ZNF711: variants seen among roughly 807,000 people sequenced by gnomAD.
The protein encoded by ZNF711 is zinc finger protein 711.
In ZNF711, 3 loss-of-function variants were observed where a neutral mutation model predicts 43.5. The ratio of observed to expected loss-of-function variants is 0.07; its 90% CI spans 0.03 to 0.18. The LOEUF (loss-of-function observed/expected upper bound fraction) is 0.18. Ranked by LOEUF, ZNF711 falls within the 10% of genes least tolerant of loss-of-function variation. The probability of loss-of-function intolerance (pLI) is 1.00; values close to 1 mark genes in which losing one functional copy is unlikely to be tolerated. For synonymous variants in ZNF711, 209 were observed against 207.7 expected (o/e 1.01, Z -0.06); for missense variants, 412 against 604.0 (o/e 0.68, Z 3.33).
At chrX:85,248,390 G>A (rs1465389943) in intron 4 of ZNF711, among the ~76,000 whole-genome samples, 1 of 100,338 alleles carries the variant, frequency 1.0e-5, no homozygotes, top group Non-Finnish European at 2.0e-5. Flanking sequence ...AATTGCTTGA[G>A]CCCATGAGGC....
rs765241017 is a variant in ZNF711 at position 85,271,253 on chromosome X, T to G, written c.1849T>G (p.Phe617Val). Residue 617 changes from phenylalanine to valine, a missense_variant, in exon 11 of 11, where the codon TTT (phenylalanine) becomes GTT (valine). By Grantham distance (50) the Phe-to-Val change is conservative. This residue lies in a region of ZNF711 where 375 missense variants were observed against 514.2 expected (regional missense o/e 0.73). Transcript: ENST00000674551. ...TAAATGTGAGCATTGTCCCCAAGCA[T>G]TTGGTGATGAGAGGGAGCTTCAACG... The part of the protein sequence containing the change: ...PYKCEHCPQA[F>V]GDERELQRHL... 5.8e-6 allele frequency: 7 copies of G among 1,210,070 alleles called. No homozygotes were observed. Among genetic ancestry groups the G allele is most frequent in the Non-Finnish European group, 1.1e-6 (1 of 894,684 alleles).
intron 5 of ZNF711, among the ~76,000 whole-genome samples, chrX:85,261,431 G>C (rs944403577): frequency 2.7e-5 from 3 of 110,685 alleles, no homozygotes; most frequent in African/African-American, 9.8e-5. Flanking sequence ...ATCTAAAGGT[G>C]ACTATCTTGT....
chrX:85,270,280 G>GTTTT, intron 10 of ZNF711, 134 bp downstream of exon 10: 4 of 493,497 alleles, frequency 8.1e-6, no homozygotes, highest in Non-Finnish European at 1.3e-5. Flanking sequence ...ATAGATAATT[G>GTTTT]TTTTTTTTTT....
chrX:85,255,979 C>T (rs1055155429), intron 5 of ZNF711, among the ~76,000 whole-genome samples, 178 bp downstream of exon 5: 6 of 111,302 alleles, frequency 5.4e-5, no homozygotes, highest in Admixed American at 9.6e-5. Flanking sequence ...TTAATTTATT[C>T]AATGAAAATT....
At position 85,244,160 on chromosome X, in the gene ZNF711, A is replaced by G. The variant is rs1397909680; in HGVS notation, c.-437A>G. 3.8e-4 allele frequency: 57 copies of G among 148,104 alleles called. 1 individual carries two copies. The highest frequency in any genetic ancestry group is 1.1e-3 in the South Asian group (5 of 4,381). 12.2% of individuals were successfully genotyped at this position (148,104 alleles called of 1,213,427 possible). A position where few individuals can be genotyped will look rare whatever the true frequency, so the allele number is the denominator to read the frequency against. Reference sequence around the variant, plus strand: ...CGGCGGCGGCGGCAGCGGCGGCGGCAGCGGCGGCGGCAGCTGTAGCTGCAG... The same window carrying G: ...CGGCGGCGGCGGCAGCGGCGGCGGCGGCGGCGGCGGCAGCTGTAGCTGCAG... On this transcript the variant is annotated 5_prime_UTR_variant, in exon 1 of 11. Coordinates refer to ENST00000674551, the MANE Select transcript of ZNF711 (RefSeq NM_001330574.2).
chrX:85,270,283 T>G, intron 10 of ZNF711, 137 bp downstream of exon 10: 9 of 505,728 alleles, frequency 1.8e-5, no homozygotes, highest in Non-Finnish European at 2.3e-5. Flanking sequence ...GATAATTGTT[T>G]TTTTTTTTTT....
chrX:85,249,658 G>T (rs1929374958), intron 4 of ZNF711, among the ~76,000 whole-genome samples: 1 of 111,478 alleles, frequency 9.0e-6, no homozygotes, highest in African/African-American at 3.3e-5. Flanking sequence ...TATGCATATT[G>T]AAATATTTAA....
chrX:85,257,598 G>A, intron 5 of ZNF711, among the ~76,000 whole-genome samples: 1 of 112,279 alleles, frequency 8.9e-6, no homozygotes, highest in Non-Finnish European at 1.9e-5. Flanking sequence ...TTGATTCCCT[G>A]TCTTTGCTAT....
intron 4 of ZNF711, among the ~76,000 whole-genome samples, chrX:85,251,309 A>G (rs1395972402): frequency 8.9e-6 from 1 of 112,245 alleles, no homozygotes; most frequent in East Asian, 2.8e-4. Context: ...TTAGAAATTT[A>G]CAACTTTGTT....
In ZNF711 at chrX:85,246,915, T is replaced by G. The variant is rs1226217779; in HGVS notation, c.-285-15T>G. ...AATGTTTGTATGTGATCGATCTTAT[T>G]TTTACCATATTTAGGAAGCAGTCAT... is the stretch of plus-strand genomic sequence containing the variant. On this transcript the variant is annotated splice_polypyrimidine_tract_variant and intron_variant, in intron 2 of 10. Coordinates refer to ENST00000674551, the MANE Select transcript of ZNF711 (RefSeq NM_001330574.2). 1.0e-5 allele frequency: 3 copies of G among 296,005 alleles called. No individual in the cohort carries two copies. Among genetic ancestry groups the G allele is most frequent in the Admixed American group, 6.2e-5 (1 of 16,255 alleles). The allele number at this position is 296,005 out of a possible 1,213,427, so 24.4% of individuals were successfully genotyped here.
At chrX:85,257,427 G>T (rs1602975517) in intron 5 of ZNF711, among the ~76,000 whole-genome samples, 1 of 111,451 alleles carries the variant, frequency 9.0e-6, no homozygotes, top group Non-Finnish European at 1.9e-5. Context: ...GCAGTATTTG[G>T]TTTTCTGTTC....
At position 85,264,300 on chromosome X, in the gene ZNF711, G is replaced by C; in HGVS notation, c.648G>C (p.Glu216Asp). 1 of 1,203,154 alleles carries C rather than the reference G, an allele frequency of 8.3e-7. No individual in the cohort carries two copies. The highest frequency in any genetic ancestry group is 1.1e-6 in the Non-Finnish European group (1 of 888,731). ...ISLDDVGEKL[E>D]HMGNTPLKIG... ...TGGATGATGTTGGAGAAAAATTAGA[G>C]CATATGGGGAATACACCATTAAAAA... Residue 216 changes from glutamate (E) to aspartate (D), a missense_variant, in exon 6 of 11, where the codon GAG (glutamate) becomes GAC (aspartate). By Grantham distance (45) the Glu-to-Asp change is conservative (BLOSUM62 2). Around this residue, in one of 4 missense-constraint regions of ZNF711, gnomAD observed 375 missense variants for 514.2 expected, o/e 0.73. Transcript: ENST00000674551.
At chrX:85,244,285 T>C in intron 1 of ZNF711, 94 bp downstream of exon 1, 1 of 119,092 alleles carries the variant, frequency 8.4e-6, no homozygotes, top group Non-Finnish European at 1.8e-5. Context: ...ACCCAGCGTG[T>C]AGCGTAGGGC....
intron 5 of ZNF711, among the ~76,000 whole-genome samples, chrX:85,257,186 G>C (rs1333205102): frequency 9.9e-5 from 11 of 111,425 alleles, no homozygotes; most frequent in Non-Finnish European, 2.1e-4. Context: ...ACTCCTTTGA[G>C]GAATATAATT....
intron 5 of ZNF711, among the ~76,000 whole-genome samples, chrX:85,260,248 T>G (rs1386749793): frequency 9.0e-6 from 1 of 110,971 alleles, no homozygotes; most frequent in Non-Finnish European, 1.9e-5. Flanking sequence ...GAAACCTAGT[T>G]GATCATGGTG....
At chrX:85,249,994 A>C (rs1225227414) in intron 4 of ZNF711, among the ~76,000 whole-genome samples, 1 of 112,169 alleles carries the variant, frequency 8.9e-6, no homozygotes, top group Non-Finnish European at 1.9e-5. Context: ...CATGTTTTTA[A>C]GTGTCATCCA....
chrX:85,249,766 A>G (rs1929387178), intron 4 of ZNF711, among the ~76,000 whole-genome samples: 1 of 111,696 alleles, frequency 9.0e-6, no homozygotes, highest in Non-Finnish European at 1.9e-5. Context: ...GGTTTTTAGC[A>G]TATTCACAAA....
intron 4 of ZNF711, among the ~76,000 whole-genome samples, chrX:85,248,173 TA>T (rs1441888522): frequency 3.8e-4 from 38 of 99,197 alleles, no homozygotes; most frequent in East Asian, 6.3e-4. Context: ...TTTTTTTTTT[TA>T]AAAAAAAAAA....
intron 5 of ZNF711, among the ~76,000 whole-genome samples, chrX:85,262,250 T>G (rs1930719587): frequency 9.0e-6 from 1 of 110,867 alleles, no homozygotes; most frequent in Admixed American, 9.6e-5. Flanking sequence ...TATTAAGAAG[T>G]GGTGAAAAAA....
Sources: gnomAD v4.1 joint callset for allele counts (sites outside exome capture counted in the v4.1 genomes callset) on GRCh38, gnomAD v4.1.1 for gene constraint, gnomAD v4.1.1 regional missense constraint, MANE v1.5 for transcripts, NCBI Gene and HGNC (gene_info 2026-07-23, HGNC 2026-07-21) for gene names.